RYR2: variants seen among roughly 807,000 people sequenced by gnomAD.
RYR2 encodes the protein cardiac muscle ryanodine receptor-calcium release channel.
RYR2 carries 227 observed loss-of-function variants against 601.1 expected under a neutral mutation model. That is an observed-to-expected ratio of 0.38 (90% CI 0.34 to 0.42). The LOEUF is 0.42. Among genes scored for constraint, RYR2 ranks in the 10% least tolerant of loss-of-function variants. The pLI is 1.00. For synonymous variants in RYR2, 2,223 were observed against 2,175.1 expected (o/e 1.02, Z -0.61); for missense variants, 4,646 against 6,156.5 (o/e 0.75, Z 8.21).
chr1:237,682,616 C>G (rs754689090), intron 62 of RYR2, among the ~76,000 whole-genome samples: 3 of 152,126 alleles, frequency 2.0e-5, no homozygotes, highest in African/African-American at 4.8e-5. Flanking sequence ...TAAGTACATT[C>G]TATGATGTAC....
chr1:237,335,154 G>A (rs761374828), intron 3 of RYR2, among the ~76,000 whole-genome samples: 14 of 152,118 alleles, frequency 9.2e-5, no homozygotes, highest in Non-Finnish European at 1.5e-4. Context: ...GTAGTTTGCC[G>A]ATTTAATGAT....
At chr1:237,141,963 A>G (rs1291804016) in intron 1 of RYR2, among the ~76,000 whole-genome samples, 2 of 152,250 alleles carry the variant, frequency 1.3e-5, no homozygotes, top group Non-Finnish European at 2.9e-5. Flanking sequence ...CAACTGTGCC[A>G]GGATTTTCAC....
chr1:237,495,085 A>G (rs1404143765), intron 19 of RYR2, among the ~76,000 whole-genome samples: 4 of 152,168 alleles, frequency 2.6e-5, no homozygotes, highest in Admixed American at 6.6e-5. Context: ...CACTGCACCC[A>G]GCTAATGTGT....
intron 80 of RYR2, among the ~76,000 whole-genome samples, chr1:237,747,993 A>G (rs1314220041): frequency 6.6e-6 from 1 of 152,166 alleles, no homozygotes; most frequent in Non-Finnish European, 1.5e-5. Context: ...TGATTGCCGC[A>G]ATCTGCCAAC....
intron 2 of RYR2, among the ~76,000 whole-genome samples, chr1:237,277,893 GC>G (rs1283381745): frequency 3.3e-5 from 5 of 152,078 alleles, no homozygotes; most frequent in Admixed American, 3.3e-4. Context: ...AAGTCATTAA[GC>G]CTTAACACTA....
chr1:237,708,391 A>G (rs1350244949), intron 68 of RYR2, among the ~76,000 whole-genome samples: 3 of 152,294 alleles, frequency 2.0e-5, no homozygotes, highest in East Asian at 1.9e-4. Flanking sequence ...ATTAACAACT[A>G]TGGTTATTAT....
chr1:237,245,037 G>A (rs972117665), intron 1 of RYR2, among the ~76,000 whole-genome samples: 1 of 148,050 alleles, frequency 6.8e-6, no homozygotes, highest in African/African-American at 2.5e-5. Flanking sequence ...GTGAGACGCT[G>A]TCTCTAAAAA....
chr1:237,289,020 A>G (rs879908345), intron 2 of RYR2, among the ~76,000 whole-genome samples: 11 of 152,090 alleles, frequency 7.2e-5, no homozygotes, highest in South Asian at 2.1e-4. Flanking sequence ...CAGCTCTCCA[A>G]ATTGACTCAG....
chr1:237,352,715 T>C (rs570392773), intron 3 of RYR2: 2 of 239,246 alleles, frequency 8.4e-6, no homozygotes, highest in African/African-American at 4.5e-5. Context: ...AATAAGACCG[T>C]TGGGTATTAG....
chr1:237,417,015 T>G (rs1705072100), intron 10 of RYR2, 34 bp from the exon 11 acceptor site: 1 of 1,595,840 alleles, frequency 6.3e-7, no homozygotes, highest in Non-Finnish European at 8.6e-7. Context: ...CATGTTTAAC[T>G]CACATTTGGG....
At chr1:237,705,154 ATGAC>A in intron 66 of RYR2, 55 bp from the exon 67 acceptor site, 1 of 1,483,740 alleles carries the variant, frequency 6.7e-7, no homozygotes, top group South Asian at 1.2e-5. Flanking sequence ...TAATTGTAAT[ATGAC>A]TTTTTTAGTT....
chr1:237,741,115 C>A (rs1691568751), intron 79 of RYR2, among the ~76,000 whole-genome samples: 1 of 152,158 alleles, frequency 6.6e-6, no homozygotes, highest in African/African-American at 2.4e-5. Flanking sequence ...CCTAGGCCTG[C>A]GTCCCCACCT....
At chr1:237,309,500 T>A (rs10925369) in intron 2 of RYR2, among the ~76,000 whole-genome samples, 51,350 of 152,120 alleles carry the variant, frequency 0.34, 8,899 homozygotes, top group South Asian at 0.51. Context: ...TTGGTGTGTA[T>A]GCAATCCTCC....
chr1:237,712,682 G>T (rs115635360), intron 71 of RYR2, among the ~76,000 whole-genome samples: 3 of 152,054 alleles, frequency 2.0e-5, no homozygotes, highest in African/African-American at 7.3e-5. Context: ...AAATAAATTC[G>T]CTGCATTATT....
At chr1:237,609,947 C>T (rs528480713) in intron 35 of RYR2, among the ~76,000 whole-genome samples, 2,366 of 151,894 alleles carry the variant, frequency 0.016, 18 homozygotes, top group Non-Finnish European at 0.025. Context: ...TTTTCCCCGC[C>T]TATTGTTAGA....
intron 98 of RYR2, among the ~76,000 whole-genome samples, chr1:237,805,047 C>T (rs1179767640): frequency 2.6e-5 from 4 of 152,048 alleles, no homozygotes; most frequent in Non-Finnish European, 5.9e-5. Context: ...CCACCATGCA[C>T]AGAACAGCAC....
chr1:237,694,154 C>T (rs948712425), intron 63 of RYR2, among the ~76,000 whole-genome samples: 2 of 151,468 alleles, frequency 1.3e-5, no homozygotes, highest in East Asian at 1.9e-4. Flanking sequence ...ATTAGCCGGG[C>T]GTGGTGGCAG....
intron 19 of RYR2, among the ~76,000 whole-genome samples, chr1:237,496,221 T>G (rs553313790): frequency 1.3e-5 from 2 of 152,226 alleles, no homozygotes; most frequent in African/African-American, 4.8e-5. Flanking sequence ...CTGGGCAACA[T>G]AGCAAGATCT....
At chr1:237,565,796 C>T (rs547949116) in intron 27 of RYR2, among the ~76,000 whole-genome samples, 2 of 152,196 alleles carry the variant, frequency 1.3e-5, no homozygotes, top group Non-Finnish European at 2.9e-5. Context: ...ACCTTCTCAT[C>T]GTCGTTCTGG....
Sources: allele counts gnomAD v4.1 joint callset (sites outside exome capture counted in the v4.1 genomes callset), GRCh38; gene constraint gnomAD v4.1.1; transcripts MANE v1.5; gene names NCBI Gene and HGNC (gene_info 2026-07-23, HGNC 2026-07-21).